Variants in KCNA6 observed in about 807,000 individuals in gnomAD.
KCNA6 encodes the protein potassium voltage-gated channel subfamily A member 6.
KCNA6 carries 17 observed loss-of-function variants against 29.5 expected under a neutral mutation model. That is an observed-to-expected ratio of 0.58 (90% CI 0.39 to 0.86). The LOEUF (loss-of-function observed/expected upper bound fraction) is 0.86. KCNA6 is among the 40% of genes least tolerant of loss of function. KCNA6 has a pLI of 0.00. For missense variants in KCNA6, 450 were observed against 703.4 expected (o/e 0.64, Z 4.07); for synonymous variants, 296 against 304.7 (o/e 0.97, Z 0.30).
rs1946615895 is a variant in KCNA6, at chr12:4,810,467, C to G, written c.426C>G (p.Pro142=). ...TCCGGGAGGACGAGGGCTGCCTGCC[C>G]GAAGGTGGCGAGGACGAGAAGCCGC... The change falls in exon 1 of 1, where the codon CCC becomes CCG. Residue 142 remains proline (P), a synonymous_variant. Coordinates refer to ENST00000280684, the Ensembl canonical transcript of KCNA6. The surrounding 1 kb of genome is among the most constrained non-coding windows in gnomAD (Gnocchi z 7.5). The G allele has an allele frequency of 2.5e-6, 4 of 1,614,084 alleles. No homozygotes were observed. The highest frequency in any genetic ancestry group is 1.1e-5 in the South Asian group (1 of 91,080).
downstream of KCNA6, among the ~76,000 whole-genome samples, chr12:4,818,037 A>G (rs1946698389): frequency 6.6e-6 from 1 of 152,194 alleles, no homozygotes; most frequent in African/African-American, 2.4e-5. Flanking sequence ...TCCAGGAGAC[A>G]GACAAACCTG....
At chr12:4,839,634 G>T in the KCNA6 span, among the ~76,000 whole-genome samples, 1 of 152,140 alleles carries the variant, frequency 6.6e-6, no homozygotes, top group African/African-American at 2.4e-5. Flanking sequence ...TCAAAGCAAT[G>T]TATTTTCTAA....
At chr12:4,822,845 A>G in the KCNA6 span, among the ~76,000 whole-genome samples, 1 of 152,146 alleles carries the variant, frequency 6.6e-6, no homozygotes. Context: ...CATGAGGCCC[A>G]TGGCCGTGCC....
At chr12:4,829,194 A>G in the KCNA6 span, among the ~76,000 whole-genome samples, 1 of 152,074 alleles carries the variant, frequency 6.6e-6, no homozygotes, top group Middle Eastern at 3.2e-3. Context: ...TGGCTGGGAA[A>G]TGTGTCATTT....
the KCNA6 span, among the ~76,000 whole-genome samples, chr12:4,824,185 G>A: frequency 6.6e-6 from 1 of 152,190 alleles, no homozygotes; most frequent in South Asian, 2.1e-4. Context: ...GGTATGTGGC[G>A]AGCATTCAGC....
the KCNA6 span, among the ~76,000 whole-genome samples, chr12:4,828,350 C>A: frequency 6.6e-6 from 1 of 152,240 alleles, no homozygotes; most frequent in Non-Finnish European, 1.5e-5. Flanking sequence ...GCAATTACTA[C>A]ATAGCCGTCA....
chr12:4,809,973 G>A, exon 1 of KCNA6: 2 of 1,474,292 alleles, frequency 1.4e-6, no homozygotes, highest in Non-Finnish European at 1.8e-6. Flanking sequence ...GCTGGGGAGC[G>A]GGTGCCGCGC....
the KCNA6 span, among the ~76,000 whole-genome samples, chr12:4,845,646 C>T: frequency 6.6e-6 from 1 of 152,102 alleles, no homozygotes; most frequent in Non-Finnish European, 1.5e-5. Flanking sequence ...TTTAAATGTA[C>T]CTGGTGTCCT....
At chr12:4,835,369 T>C in the KCNA6 span, among the ~76,000 whole-genome samples, 63 of 152,054 alleles carry the variant, frequency 4.1e-4, no homozygotes, top group East Asian at 5.2e-3. Flanking sequence ...CTCCTGACCT[T>C]GTGATCCGCC....
chr12:4,839,227 A>G, the KCNA6 span: 1 of 152,242 alleles, frequency 6.6e-6, no homozygotes, highest in Non-Finnish European at 1.5e-5. Context: ...TCACTTATGC[A>G]TGGATTTTCT....
the KCNA6 span, among the ~76,000 whole-genome samples, chr12:4,820,507 A>G: frequency 5.9e-3 from 874 of 149,102 alleles, 11 homozygotes; most frequent in African/African-American, 0.021. Flanking sequence ...CAACTCCAGC[A>G]TATTTTCCCA....
chr12:4,830,986 T>G, the KCNA6 span, among the ~76,000 whole-genome samples: 3 of 152,176 alleles, frequency 2.0e-5, no homozygotes, highest in South Asian at 6.2e-4. Context: ...GGGTTGTTGG[T>G]TTTGTGAGTT....
rs200079703 is a variant in KCNA6 at position 4,811,025 on chromosome 12, C to A, written c.984C>A (p.Gly328=). Residue 328 remains glycine (G), a synonymous_variant, in exon 1 of 1, where the codon GGC becomes GGA. Coordinates refer to ENST00000280684, the Ensembl canonical transcript of KCNA6. This position sits in a 1 kb window ranked among gnomAD's most constrained non-coding sequence, Gnocchi z 7.1. ...AGCAGCAACCAGCCAGTGGAGGAGGCGGCCAGAATGGGCAGCAGGCCATGT... is the reference window on the plus strand; with the variant it reads ...AGCAGCAACCAGCCAGTGGAGGAGGAGGCCAGAATGGGCAGCAGGCCATGT... 6.2e-7 allele frequency: 1 copy of A among 1,614,232 alleles called. No homozygotes were observed. The highest frequency in any genetic ancestry group is 1.7e-5 in the Admixed American group (1 of 60,032).
chr12:4,811,316 C>T lies in KCNA6; in HGVS notation c.1275C>T (p.Tyr425=), dbSNP rs187136089. ...TGGTTACAATGACCACGGTAGGTTA[C>T]GGGGACATGTACCCCATGACTGTGG... Residue 425 remains tyrosine (Y), a synonymous_variant, in exon 1 of 1, where the codon TAC becomes TAT. Transcript: ENST00000280684. This position sits in a 1 kb window ranked among gnomAD's most constrained non-coding sequence, Gnocchi z 7.1. 48 of 1,614,216 alleles carry T rather than the reference C, an allele frequency of 3.0e-5. No homozygotes were observed. The highest frequency in any genetic ancestry group is 2.9e-4 in the East Asian group (13 of 44,892).
chr12:4,816,220 G>A (rs555693504), downstream of KCNA6, among the ~76,000 whole-genome samples: 1 of 150,526 alleles, frequency 6.6e-6, no homozygotes, highest in African/African-American at 2.4e-5. Context: ...GCAGTCGATC[G>A]TTGCTATTCA....
At chr12:4,812,074 G>A in exon 1 of KCNA6, 1 of 180,426 alleles carries the variant, frequency 5.5e-6, no homozygotes, top group Non-Finnish European at 1.3e-5. Flanking sequence ...CTTGGTAACT[G>A]GAAGAAGCTG....
the KCNA6 span, among the ~76,000 whole-genome samples, chr12:4,828,525 C>A: frequency 6.6e-6 from 1 of 152,140 alleles, no homozygotes; most frequent in South Asian, 2.1e-4. Context: ...ACAAAGTGAG[C>A]AATTAATTTT....
chr12:4,847,076 G>A, the KCNA6 span, among the ~76,000 whole-genome samples: 7 of 151,714 alleles, frequency 4.6e-5, no homozygotes, highest in East Asian at 3.9e-4. Flanking sequence ...GAGCCACCAC[G>A]CCCAGCCGGA....
chr12:4,850,270 C>G, the KCNA6 span, among the ~76,000 whole-genome samples: 1 of 149,524 alleles, frequency 6.7e-6, no homozygotes, highest in Non-Finnish European at 1.5e-5. This position sits in a 1 kb window ranked among gnomAD's most constrained non-coding sequence, Gnocchi z 5.4. Flanking sequence ...AGGAACGCGC[C>G]TGACGCTGGT....
Sources: gnomAD v4.1 joint callset for allele counts (sites outside exome capture counted in the v4.1 genomes callset) on GRCh38, gnomAD v4.1.1 for gene constraint, Gnocchi (gnomAD v3.1) non-coding constraint, MANE v1.5 for transcripts, NCBI Gene and HGNC (gene_info 2026-07-23, HGNC 2026-07-21) for gene names.